DPP6: variants seen among roughly 807,000 people sequenced by gnomAD.
DPP6 encodes the protein A-type potassium channel modulatory protein DPP6.
In DPP6, 69 loss-of-function variants were observed where a neutral mutation model predicts 122.6. The observed-to-expected ratio is 0.56, with a 90% confidence interval of 0.46 to 0.69. The LOEUF is 0.69. Among genes scored for constraint, DPP6 ranks in the 30% least tolerant of loss-of-function variants. DPP6 has a pLI of 0.00. For missense variants in DPP6, 928 were observed against 1,116.9 expected (o/e 0.83, Z 2.41); for synonymous variants, 418 against 433.1 (o/e 0.97, Z 0.43).
intron 5 of DPP6, among the ~76,000 whole-genome samples, chr7:154,627,189 C>CTT (rs61163075): frequency 0.14 from 14,261 of 103,182 alleles, 1,274 homozygotes; most frequent in East Asian, 0.17. Context: ...ATTTTTTTTC[C>CTT]TTTTTTTTTT....
rs1167128834 is a variant in DPP6, at chr7:153,978,183, GTTC to G, written c.51+90452_51+90454del. ...ATACTCCCACCAACAGTGTAAAAGC[GTTC>G]TTATTTCCCCACATCCTCTCCAGCA... On this transcript the variant is annotated intron_variant, in intron 1 of 25. Coordinates refer to the DPP6 transcript ENST00000404039. Among the ~76,000 whole-genome samples, 6 of 152,292 alleles carry G rather than the reference GTTC, an allele frequency of 3.9e-5. 1 individual carries two copies. Among genetic ancestry groups the G allele is most frequent in the South Asian group, 4.1e-4 (2 of 4,830 alleles).
chr7:154,579,859 G>A (rs1804064659), intron 5 of DPP6, among the ~76,000 whole-genome samples: 1 of 152,138 alleles, frequency 6.6e-6, no homozygotes, highest in South Asian at 2.1e-4. Flanking sequence ...ACACGGTAAG[G>A]AGGGCAAGTT....
chr7:154,031,187 T>TTA, intron 1 of DPP6, among the ~76,000 whole-genome samples: 1 of 152,112 alleles, frequency 6.6e-6, no homozygotes, highest in African/African-American at 2.4e-5. Context: ...TTTAATGAGT[T>TTA]TCACCCGCTG....
At chr7:153,993,258 G>A (rs976536200) in intron 1 of DPP6, among the ~76,000 whole-genome samples, 4 of 152,166 alleles carry the variant, frequency 2.6e-5, no homozygotes, top group Non-Finnish European at 5.9e-5. Flanking sequence ...ACAGATGAAT[G>A]AACTCTTGTG....
At position 154,522,387 on chromosome 7, in the gene DPP6, G is replaced by C. The variant is rs545270718; in HGVS notation, c.458-18145G>C. Among the ~76,000 whole-genome samples the C allele has an allele frequency of 3.9e-5, 6 of 152,230 alleles. 1 individual carries two copies. The South Asian group carries it at 1.2e-3, about 32-fold the overall frequency. On this transcript the variant is annotated intron_variant, in intron 3 of 25. Transcript: ENST00000377770. ...CGTAAGTTGGAATCAAGAGGCCTGC[G>C]TGAGGCCCTTGAGCCAGAGGGAGCT...
chr7:154,216,967 T>C (rs1170910644), intron 1 of DPP6, among the ~76,000 whole-genome samples: 1 of 151,398 alleles, frequency 6.6e-6, no homozygotes, highest in East Asian at 1.9e-4. Flanking sequence ...ACTAGAAATA[T>C]GAGATTTATT....
chr7:153,774,805 A>C, the DPP6 span, among the ~76,000 whole-genome samples: 2 of 152,012 alleles, frequency 1.3e-5, no homozygotes, highest in South Asian at 4.2e-4. Flanking sequence ...TTTCTATGAA[A>C]AATTTTTAAG....
At position 154,481,640 on chromosome 7, in the gene DPP6, T is replaced by C. The variant is rs1451714922; in HGVS notation, c.457+6603T>C. On this transcript the variant is annotated intron_variant, in intron 3 of 25. Coordinates refer to ENST00000377770, the MANE Select transcript of DPP6 (RefSeq NM_130797.4). The surrounding 1 kb of genome is among the most constrained non-coding windows in gnomAD (Gnocchi z 4.2). Reference sequence around the variant, plus strand: ...GCCTACGTGAACTTCTTTGGATTGCTTCAGAAGTCCATCTTCTTTTCCCCC... The same window carrying C: ...GCCTACGTGAACTTCTTTGGATTGCCTCAGAAGTCCATCTTCTTTTCCCCC... Among the ~76,000 whole-genome samples the C allele has an allele frequency of 6.6e-6, 1 of 152,148 alleles. No individual in the cohort carries two copies. The highest frequency in any genetic ancestry group is 2.4e-5 in the African/African-American group (1 of 41,420).
intron 6 of DPP6, among the ~76,000 whole-genome samples, chr7:154,651,559 A>G (rs1836875317): frequency 6.6e-6 from 1 of 152,112 alleles, no homozygotes; most frequent in Non-Finnish European, 1.5e-5. Context: ...GAGTCAGAAG[A>G]ATCCTTTGCA....
intron 1 of DPP6, among the ~76,000 whole-genome samples, chr7:154,076,793 G>A (rs574268387): frequency 1.4e-4 from 21 of 152,076 alleles, no homozygotes; most frequent in Non-Finnish European, 2.6e-4. Flanking sequence ...CTGACAAGGT[G>A]TACCCTCAGT....
rs559859560 is a variant in DPP6, at chr7:154,721,554, G to A, written c.763-6213G>A. Among the ~76,000 whole-genome samples the A allele has an allele frequency of 2.6e-5, 4 of 152,292 alleles. No individual in the cohort carries two copies. In the East Asian group the frequency reaches 7.7e-4, roughly 29 times the overall value. ...AGTGAAAACTGTAAAAATCATAGAAGCGTAAGGGAAATGTTCATGACCTTG... is the reference window on the plus strand; with the variant it reads ...AGTGAAAACTGTAAAAATCATAGAAACGTAAGGGAAATGTTCATGACCTTG... On this transcript the variant is annotated intron_variant, in intron 7 of 25. Transcript: ENST00000377770.
chr7:154,307,886 T>G (rs1299016802), intron 1 of DPP6, among the ~76,000 whole-genome samples: 1 of 151,762 alleles, frequency 6.6e-6, no homozygotes, highest in Non-Finnish European at 1.5e-5. Context: ...TTTTAATTTA[T>G]TTTTTGAGTG....
chr7:154,693,398 C>T (rs1840041308), intron 7 of DPP6, among the ~76,000 whole-genome samples: 1 of 152,148 alleles, frequency 6.6e-6, no homozygotes, highest in Admixed American at 6.5e-5. Flanking sequence ...TGAAATTTTC[C>T]TTTATTAATT....
chr7:154,029,625 T>C (rs1396906961), intron 1 of DPP6, among the ~76,000 whole-genome samples: 1 of 148,318 alleles, frequency 6.7e-6, no homozygotes, highest in Non-Finnish European at 1.5e-5. Flanking sequence ...GGTAGGTGGA[T>C]CATGAGGTCA....
rs55835037 is a variant in DPP6 at position 154,686,415 on chromosome 7, A to AT, written c.762+16987dup. Among the ~76,000 whole-genome samples, 1,162 of 148,028 alleles carry AT rather than the reference A, an allele frequency of 7.8e-3. 11 individuals are homozygous for AT. Among genetic ancestry groups the AT allele is most frequent in the African/African-American group, 0.024 (961 of 40,234 alleles). On this transcript the variant is annotated intron_variant, in intron 7 of 25. Coordinates refer to ENST00000377770, the MANE Select transcript of DPP6 (RefSeq NM_130797.4). ...ATTTGTATTCAAGGCCACCATAAGG[A>AT]TTTTTTTTTTTTTGGCAATGCACAG...
chr7:154,005,825 G>T (rs1797891054), intron 1 of DPP6, among the ~76,000 whole-genome samples: 2 of 151,992 alleles, frequency 1.3e-5, no homozygotes, highest in African/African-American at 4.8e-5. Flanking sequence ...CGAGCTGCAA[G>T]CATGAGCTTC....
At chr7:154,818,666 A>G (rs1799569141) in intron 16 of DPP6, among the ~76,000 whole-genome samples, 1 of 152,170 alleles carries the variant, frequency 6.6e-6, no homozygotes, top group African/African-American at 2.4e-5. Context: ...TTATATCAAA[A>G]TTTCCAAGAA....
chr7:154,120,510 C>T (rs1366657300), intron 1 of DPP6, among the ~76,000 whole-genome samples: 2 of 152,142 alleles, frequency 1.3e-5, no homozygotes, highest in African/African-American at 4.8e-5. Context: ...TCCCAAAGTG[C>T]TGGGATAACA....
intron 1 of DPP6, among the ~76,000 whole-genome samples, chr7:154,194,049 A>G (rs1276716886): frequency 2.0e-5 from 3 of 152,218 alleles, no homozygotes; most frequent in Admixed American, 1.3e-4. Context: ...GACTCGTCAG[A>G]GAAGCTGTTA....
Sources: gnomAD v4.1 joint callset for allele counts (sites outside exome capture counted in the v4.1 genomes callset) on GRCh38, gnomAD v4.1.1 for gene constraint, Gnocchi (gnomAD v3.1) non-coding constraint, MANE v1.5 for transcripts, NCBI Gene and HGNC (gene_info 2026-07-23, HGNC 2026-07-21) for gene names.